The following NWD2 variants were observed in gnomAD, a reference collection of about 807,000 sequenced individuals.
NWD2 encodes the protein NACHT and WD repeat domain-containing protein 2.
NWD2 carries 37 observed loss-of-function variants against 132.7 expected under a neutral mutation model. That is an observed-to-expected ratio of 0.28 (90% CI 0.21 to 0.37). NWD2 has a LOEUF of 0.37. Ranked by LOEUF, NWD2 falls within the 10% of genes least tolerant of loss-of-function variation. The pLI, the probability that NWD2 is intolerant of heterozygous loss-of-function variation, is 1.00. For synonymous variants in NWD2, 705 were observed against 803.0 expected (o/e 0.88, Z 2.06); for missense variants, 1,592 against 2,122.4 (o/e 0.75, Z 4.91).
intron 1 of NWD2, among the ~76,000 whole-genome samples, chr4:37,310,277 C>T (rs994955810): frequency 2.0e-5 from 3 of 152,200 alleles, no homozygotes; most frequent in Non-Finnish European, 4.4e-5. Flanking sequence ...AGCTATGCAA[C>T]ACATTTAAAA....
At chr4:37,382,922 A>G (rs1329127537) in intron 3 of NWD2, among the ~76,000 whole-genome samples, 1 of 151,708 alleles carries the variant, frequency 6.6e-6, no homozygotes, top group African/African-American at 2.4e-5. Flanking sequence ...TTGAACTCCT[A>G]AGCTCAGGCA....
intron 1 of NWD2, among the ~76,000 whole-genome samples, chr4:37,268,641 T>C (rs1324616182): frequency 1.3e-5 from 2 of 151,914 alleles, no homozygotes; most frequent in African/African-American, 4.8e-5. Flanking sequence ...AGATCATTCA[T>C]TGGCATTCGT....
At chr4:37,291,239 C>CTAT (rs139450422) in intron 1 of NWD2, among the ~76,000 whole-genome samples, 17,352 of 152,012 alleles carry the variant, frequency 0.11, 1,091 homozygotes, top group Middle Eastern at 0.16. Context: ...TGTAATAAAA[C>CTAT]GACTAAGTAG....
chr4:37,397,988 T>C (rs1463356586), intron 3 of NWD2, among the ~76,000 whole-genome samples: 1 of 152,176 alleles, frequency 6.6e-6, no homozygotes, highest in Non-Finnish European at 1.5e-5. Flanking sequence ...TCCAGAAACA[T>C]GCATTGAAGC....
intron 1 of NWD2, among the ~76,000 whole-genome samples, chr4:37,286,806 T>C (rs890964570): frequency 6.6e-6 from 1 of 152,160 alleles, no homozygotes; most frequent in Non-Finnish European, 1.5e-5. Flanking sequence ...ATATGAATTT[T>C]TACTGCTTGT....
chr4:37,430,514 A>G, intron 3 of NWD2, 58 bp from the exon 4 acceptor site: 1 of 1,181,502 alleles, frequency 8.5e-7, no homozygotes, highest in South Asian at 1.3e-5. Flanking sequence ...TGTGATGTGA[A>G]TACTAAAATG....
At position 37,444,534 on chromosome 4, in the gene NWD2, A is replaced by C. The variant is rs1188403464; in HGVS notation, c.2546A>C (p.Asp849Ala). Residue 849 changes from aspartate (D) to alanine (A), a missense_variant, in exon 7 of 7, where the codon GAC becomes GCC. Physicochemically the swap from Asp to Ala is moderately radical, Grantham distance 126. Coordinates refer to ENST00000309447, the MANE Select transcript of NWD2 (RefSeq NM_001144990.2). This position sits in a 1 kb window ranked among gnomAD's most constrained non-coding sequence, Gnocchi z 4.8. ...TTGACGAGGTGTGGAAAAACCGATG[A>C]CCTGCTTTACGGCATCATCATGAAC... ...YHLTRCGKTDDLLYGIIMNFS... is the reference protein window; with the variant it reads ...YHLTRCGKTDALLYGIIMNFS... 1 of 1,551,782 alleles carries C rather than the reference A, an allele frequency of 6.4e-7. No homozygotes were observed. The highest frequency in any genetic ancestry group is 2.4e-5 in the East Asian group (1 of 40,920).
chr4:37,431,311 A>G (rs1015188086), intron 4 of NWD2, among the ~76,000 whole-genome samples: 1 of 152,238 alleles, frequency 6.6e-6, no homozygotes, highest in East Asian at 1.9e-4. Flanking sequence ...ACATTTATAT[A>G]CACACATACT....
chr4:37,272,881 G>A (rs989114662), intron 1 of NWD2, among the ~76,000 whole-genome samples: 6 of 151,678 alleles, frequency 4.0e-5, no homozygotes, highest in African/African-American at 1.5e-4. Flanking sequence ...AAGCATTTAT[G>A]GCAGAGCATA....
intron 1 of NWD2, among the ~76,000 whole-genome samples, chr4:37,257,314 A>G (rs1039237705): frequency 2.0e-5 from 3 of 152,256 alleles, no homozygotes; most frequent in Admixed American, 1.3e-4. Context: ...ATGCAGCAAT[A>G]CATAAATTAA....
rs112756394 is a variant in NWD2 at position 37,351,414 on chromosome 4, G to C, written c.241-4952G>C. Among the ~76,000 whole-genome samples the C allele has an allele frequency of 9.9e-5, 15 of 152,248 alleles. 1 individual carries two copies. The highest frequency in any genetic ancestry group is 3.6e-4 in the African/African-American group (15 of 41,548). ...CTTCCTGGTTTAGACTTGGGAGGCTGTATGTGTCCAGGAATTTATCCATTT... is the reference window on the plus strand; with the variant it reads ...CTTCCTGGTTTAGACTTGGGAGGCTCTATGTGTCCAGGAATTTATCCATTT... On this transcript the variant is annotated intron_variant, in intron 2 of 6. Coordinates refer to ENST00000309447, the MANE Select transcript of NWD2 (RefSeq NM_001144990.2).
chr4:37,347,766 A>G (rs189160670), intron 2 of NWD2, among the ~76,000 whole-genome samples: 8 of 152,316 alleles, frequency 5.3e-5, no homozygotes, highest in African/African-American at 1.9e-4. Flanking sequence ...GTATATATTT[A>G]TAGCTTTTCT....
intron 3 of NWD2, among the ~76,000 whole-genome samples, chr4:37,374,712 A>G (rs970992124): frequency 6.6e-6 from 1 of 152,246 alleles, no homozygotes. Flanking sequence ...ATGGAAATAT[A>G]TACAAGCAAA....
chr4:37,251,762 G>A (rs191506100), intron 1 of NWD2, among the ~76,000 whole-genome samples: 74 of 152,330 alleles, frequency 4.9e-4, no homozygotes, highest in African/African-American at 1.8e-3. Flanking sequence ...CAGTACTAAG[G>A]AGATAGATAA....
intron 1 of NWD2, among the ~76,000 whole-genome samples, chr4:37,299,412 G>T (rs377507717): frequency 6.6e-6 from 1 of 151,974 alleles, no homozygotes; most frequent in Non-Finnish European, 1.5e-5. Flanking sequence ...CTCTTCTGCT[G>T]TACTCTATAT....
intron 2 of NWD2, among the ~76,000 whole-genome samples, chr4:37,349,761 A>G (rs1390171307): frequency 6.6e-6 from 1 of 152,206 alleles, no homozygotes; most frequent in Non-Finnish European, 1.5e-5. Flanking sequence ...GTCTTTGCCC[A>G]TGCCTATGAC....
chr4:37,371,050 C>G (rs1577682045), intron 3 of NWD2, among the ~76,000 whole-genome samples: 1 of 145,638 alleles, frequency 6.9e-6, no homozygotes, highest in South Asian at 2.2e-4. Context: ...AATTATTTGC[C>G]AAAGAAGTTC....
intron 1 of NWD2, among the ~76,000 whole-genome samples, chr4:37,306,809 T>C (rs1718717417): frequency 6.6e-6 from 1 of 152,042 alleles, no homozygotes; most frequent in African/African-American, 2.4e-5. Context: ...GATCACACGG[T>C]CAGGAGAGTG....
At chr4:37,344,954 TA>T (rs1177863513) in intron 2 of NWD2, among the ~76,000 whole-genome samples, 1 of 152,228 alleles carries the variant, frequency 6.6e-6, no homozygotes, top group Non-Finnish European at 1.5e-5. Context: ...ACATTTCATG[TA>T]AATGGAATCA....
Sources: allele counts gnomAD v4.1 joint callset (sites outside exome capture counted in the v4.1 genomes callset), GRCh38; gene constraint gnomAD v4.1.1; non-coding constraint Gnocchi (gnomAD v3.1); transcripts MANE v1.5; gene names NCBI Gene and HGNC (gene_info 2026-07-23, HGNC 2026-07-21).